Variants in NBAS observed in about 807,000 individuals in gnomAD.
NBAS encodes NBAS subunit of NRZ tethering complex.
NBAS carries 219 observed loss-of-function variants against 302.5 expected under a neutral mutation model. That is an observed-to-expected ratio of 0.72 (90% CI 0.65 to 0.81). The LOEUF is 0.81. NBAS is among the 30% of genes least tolerant of loss of function. The probability of loss-of-function intolerance (pLI) is 0.00; values close to 1 mark genes in which losing one functional copy is unlikely to be tolerated. For synonymous variants in NBAS, 1,118 were observed against 1,021.6 expected, an observed-to-expected ratio of 1.09 and a Z score of -1.80; for missense variants, 2,932 against 2,841.6, an observed-to-expected ratio of 1.03 and a Z score of -0.72.
chr2:15,069,317 C>A, the NBAS span, among the ~76,000 whole-genome samples: 6 of 152,172 alleles, frequency 3.9e-5, no homozygotes, highest in Non-Finnish European at 8.8e-5. Flanking sequence ...CTCCTGATGA[C>A]GAGCCCAGCA....
chr2:14,780,851 C>T, the NBAS span, among the ~76,000 whole-genome samples: 1,845 of 152,238 alleles, frequency 0.012, 43 homozygotes, highest in African/African-American at 0.043. Context: ...AAGAATAAAA[C>T]TTGCATTTTC....
chr2:14,871,900 A>T, the NBAS span, among the ~76,000 whole-genome samples: 3 of 152,182 alleles, frequency 2.0e-5, no homozygotes, highest in African/African-American at 7.2e-5. Context: ...CAATTATCAC[A>T]TTAGATATAA....
chr2:14,947,223 A>G, the NBAS span, among the ~76,000 whole-genome samples: 407 of 152,162 alleles, frequency 2.7e-3, no homozygotes, highest in African/African-American at 9.4e-3. Context: ...TCAACAAAAC[A>G]AAAAGTTGAT....
At chr2:15,488,022 C>T (rs1309021244) in intron 12 of NBAS, among the ~76,000 whole-genome samples, 1 of 152,140 alleles carries the variant, frequency 6.6e-6, no homozygotes, top group East Asian at 1.9e-4. Flanking sequence ...TTCTCTTTTC[C>T]TCTGTCATTC....
At chr2:14,847,382 T>TAAAAAAAAAAAAAAAAAAAAA in the NBAS span, among the ~76,000 whole-genome samples, 1 of 53,166 alleles carries the variant, frequency 1.9e-5, no homozygotes, top group Non-Finnish European at 3.5e-5. Context: ...GACTCTATCT[T>TAAAAAAAAAAAAAAAAAAAAA]AAAAAAAAAA....
At chr2:15,141,401 C>A in the NBAS span, among the ~76,000 whole-genome samples, 2 of 152,220 alleles carry the variant, frequency 1.3e-5, no homozygotes, top group Non-Finnish European at 2.9e-5. Flanking sequence ...CAGACGACAA[C>A]AGTGAGGCTC....
chr2:14,875,448 C>G, the NBAS span, among the ~76,000 whole-genome samples: 3 of 152,096 alleles, frequency 2.0e-5, no homozygotes, highest in Non-Finnish European at 4.4e-5. Context: ...AACCCCATCT[C>G]TACTACAAAT....
chr2:14,854,192 G>A, the NBAS span, among the ~76,000 whole-genome samples: 3 of 151,530 alleles, frequency 2.0e-5, no homozygotes, highest in African/African-American at 4.8e-5. Flanking sequence ...AGTACTAAGA[G>A]GGAAGTTACA....
rs541537401 is a variant in NBAS at position 15,231,336 on chromosome 2, C to T, written c.6236+1086G>A. On this transcript the variant is annotated intron_variant, in intron 47 of 51. Coordinates refer to ENST00000281513, the MANE Select transcript of NBAS (RefSeq NM_015909.4). ...TGCAATGTTTTTCCACCTTCACCTA[C>T]ATAGCTCATTCTATATTCTGTCACT... is the stretch of plus-strand genomic sequence containing the variant. 2.6e-5 allele frequency among the ~76,000 whole-genome samples: 4 copies of T among 152,342 alleles called. No individual in the cohort carries two copies. In the East Asian group the frequency reaches 7.7e-4, roughly 29 times the overall value.
intron 51 of NBAS, among the ~76,000 whole-genome samples, chr2:15,169,261 C>G (rs1037577140): frequency 6.6e-6 from 1 of 152,152 alleles, no homozygotes; most frequent in African/African-American, 2.4e-5. Context: ...TTAGGTTGAA[C>G]TCCAGGAATT....
the NBAS span, among the ~76,000 whole-genome samples, chr2:14,816,446 T>C: frequency 2.6e-5 from 4 of 152,218 alleles, no homozygotes; most frequent in Non-Finnish European, 5.9e-5. Context: ...GGAAAAATTG[T>C]CTTCCACAAA....
intron 32 of NBAS, among the ~76,000 whole-genome samples, chr2:15,359,300 C>G (rs1379669494): frequency 6.6e-6 from 1 of 152,170 alleles, no homozygotes; most frequent in African/African-American, 2.4e-5. Context: ...CCATTTGAAA[C>G]AAAGTAGATG....
chr2:14,930,981 C>G, the NBAS span, among the ~76,000 whole-genome samples: 1 of 152,176 alleles, frequency 6.6e-6, no homozygotes, highest in Non-Finnish European at 1.5e-5. Flanking sequence ...CAAATGAGCT[C>G]TGGAATAAGA....
At position 15,559,060 on chromosome 2, in the gene NBAS, C is replaced by CT. The variant is rs1448554580; in HGVS notation, c.118-427dup. Among the ~76,000 whole-genome samples, 5 of 24,570 alleles carry CT rather than the reference C, an allele frequency of 2.0e-4. No individual in the cohort carries two copies. The Admixed American group carries it at 3.0e-3, about 15-fold the overall frequency. 16.1% of individuals were successfully genotyped at this position (24,570 alleles called of 152,430 possible). On this transcript the variant is annotated intron_variant, in intron 1 of 51. Transcript: ENST00000281513. ...CCTGGGTGACAGAGTGAGACCCTGCCTCAAAAAAAAAAAAAAAAAAAAAAA... is the reference window on the plus strand; with the variant it reads ...CCTGGGTGACAGAGTGAGACCCTGCCTTCAAAAAAAAAAAAAAAAAAAAAAA...
chr2:15,305,608 T>G (rs960838485), intron 40 of NBAS, among the ~76,000 whole-genome samples: 1 of 152,088 alleles, frequency 6.6e-6, no homozygotes, highest in African/African-American at 2.4e-5. Flanking sequence ...CCCGCCACCA[T>G]GCCCAGCTAA....
intron 21 of NBAS, among the ~76,000 whole-genome samples, chr2:15,448,748 A>G (rs1475633554): frequency 1.3e-5 from 2 of 152,206 alleles, no homozygotes; most frequent in Non-Finnish European, 2.9e-5. Context: ...TTTGATTCTT[A>G]GCAGAATTTT....
chr2:15,365,021 C>T (rs965210557), intron 32 of NBAS, among the ~76,000 whole-genome samples: 3 of 152,136 alleles, frequency 2.0e-5, no homozygotes, highest in Admixed American at 1.3e-4. Context: ...GGCCTTTCTT[C>T]GAGTCTTCTA....
intron 44 of NBAS, among the ~76,000 whole-genome samples, chr2:15,265,547 A>T (rs1193900796): frequency 1.3e-5 from 2 of 152,182 alleles, no homozygotes; most frequent in Non-Finnish European, 2.9e-5. Context: ...ATGAGGGACC[A>T]TATCTCAAAC....
the NBAS span, among the ~76,000 whole-genome samples, chr2:15,144,329 T>C: frequency 2.3e-3 from 353 of 152,082 alleles, 7 homozygotes; most frequent in Middle Eastern, 3.4e-3. Flanking sequence ...CAGGAAAGCC[T>C]GACACAGACC....
Sources: gnomAD v4.1 joint callset for allele counts (sites outside exome capture counted in the v4.1 genomes callset) on GRCh38, gnomAD v4.1.1 for gene constraint, MANE v1.5 for transcripts, NCBI Gene and HGNC (gene_info 2026-07-23, HGNC 2026-07-21) for gene names.